MALRD1: variants seen among roughly 807,000 people sequenced by gnomAD.
MALRD1 encodes the protein MAM and LDL-receptor class A domain-containing protein 1.
In MALRD1, 247 loss-of-function variants were observed where a neutral mutation model predicts 242.1. That is an observed-to-expected ratio of 1.02 (90% CI 0.92 to 1.13). The LOEUF is 1.13. Ranked by LOEUF, MALRD1 falls within the 50% of genes most tolerant of loss-of-function variation. The pLI is 0.00. For missense variants in MALRD1, 2,989 were observed against 2,533.1 expected (o/e 1.18, Z -3.86); for synonymous variants, 995 against 866.6 (o/e 1.15, Z -2.60).
intron 14 of MALRD1, among the ~76,000 whole-genome samples, chr10:19,197,924 G>C (rs1386485088): frequency 6.6e-6 from 1 of 152,098 alleles, no homozygotes; most frequent in African/African-American, 2.4e-5. Flanking sequence ...GCATGTATTT[G>C]CTAAGTTTTT....
intron 24 of MALRD1, among the ~76,000 whole-genome samples, chr10:19,343,071 G>A (rs1340831515): frequency 6.6e-6 from 1 of 151,880 alleles, no homozygotes; most frequent in East Asian, 1.9e-4. Flanking sequence ...TTTCTTTGTA[G>A]GAACACAAAT....
chr10:19,186,596 C>A (rs773497494), intron 14 of MALRD1, among the ~76,000 whole-genome samples: 2 of 152,052 alleles, frequency 1.3e-5, no homozygotes, highest in Admixed American at 6.5e-5. Flanking sequence ...AACAAGAAAG[C>A]CTTTTTCTAT....
At chr10:19,589,672 T>C (rs1442416104) in intron 33 of MALRD1, among the ~76,000 whole-genome samples, 1 of 152,210 alleles carries the variant, frequency 6.6e-6, no homozygotes, top group African/African-American at 2.4e-5. Context: ...TGAGTCATCT[T>C]GTCAAAATTA....
At chr10:19,454,428 ATAT>A in intron 29 of MALRD1, among the ~76,000 whole-genome samples, 2 of 138,288 alleles carry the variant, frequency 1.4e-5, no homozygotes, top group African/African-American at 2.6e-5. Context: ...ATATATATAT[ATAT>A]AATTATATGA....
intron 5 of MALRD1, among the ~76,000 whole-genome samples, chr10:19,123,282 C>A (rs1462874152): frequency 6.6e-6 from 1 of 150,720 alleles, no homozygotes; most frequent in Non-Finnish European, 1.5e-5. Flanking sequence ...CTGTTTTTCT[C>A]TGTCTCTATT....
chr10:19,633,836 C>CTTTTTTTTTTTT (rs199830595), intron 36 of MALRD1: 6 of 141,130 alleles, frequency 4.3e-5, no homozygotes, highest in South Asian at 2.2e-4. Flanking sequence ...TTTTTCTTTT[C>CTTTTTTTTTTTT]TTTCTTTTTT....
chr10:19,449,333 C>T (rs1211812360), intron 28 of MALRD1, among the ~76,000 whole-genome samples: 5 of 152,142 alleles, frequency 3.3e-5, no homozygotes, highest in Admixed American at 1.3e-4. Flanking sequence ...TGTGCCACCA[C>T]GCCCGGCTAA....
At chr10:19,259,949 T>C (rs1159906718) in intron 19 of MALRD1, among the ~76,000 whole-genome samples, 1 of 152,178 alleles carries the variant, frequency 6.6e-6, no homozygotes, top group African/African-American at 2.4e-5. Flanking sequence ...GTTAGTTGCA[T>C]GAGAGCAGGT....
At chr10:19,070,836 CTTTTTTTTTTTTTTTT>C (rs3042437) in intron 2 of MALRD1, among the ~76,000 whole-genome samples, 1 of 52,444 alleles carries the variant, frequency 1.9e-5, no homozygotes, top group South Asian at 1.1e-3. Flanking sequence ...AAATGACAAA[CTTTTTTTTTTTTTTTT>C]TTTTTTTTTT....
Position 19,713,152 on chromosome 10 carries a change from T to A in MALRD1, c.6315-17554T>A, listed in dbSNP as rs189931212. On this transcript the variant is annotated intron_variant, in intron 38 of 39. Transcript: ENST00000454679. ...CTTCTTTCTTGCCTATTAAACTCTC[T>A]ACTCCTTAAAGCCACACATTAAAAA... 2.8e-3 allele frequency among the ~76,000 whole-genome samples: 396 copies of A among 141,420 alleles called. 3 individuals carry two copies. Among genetic ancestry groups the A allele is most frequent in the Non-Finnish European group, 2.6e-3 (169 of 65,770 alleles). The allele number at this position is 141,420 out of a possible 152,430, so 92.8% of individuals were successfully genotyped here. A position where few individuals can be genotyped will look rare whatever the true frequency, so the allele number is the denominator to read the frequency against.
chr10:19,174,492 A>G (rs1376602577), intron 13 of MALRD1, among the ~76,000 whole-genome samples: 8 of 152,148 alleles, frequency 5.3e-5, no homozygotes, highest in Non-Finnish European at 1.2e-4. Context: ...GTGGTCCACT[A>G]TGCAGGTTCA....
intron 36 of MALRD1, among the ~76,000 whole-genome samples, chr10:19,626,654 C>CA (rs1162132371): frequency 1.3e-5 from 2 of 151,508 alleles, no homozygotes; most frequent in East Asian, 3.9e-4. Flanking sequence ...CTGAATAGTA[C>CA]ATGCACATCA....
intron 4 of MALRD1, among the ~76,000 whole-genome samples, chr10:19,096,521 G>T (rs868163075): frequency 1.3e-5 from 2 of 152,178 alleles, no homozygotes; most frequent in African/African-American, 4.8e-5. Context: ...TCGGATTGCA[G>T]GTATGCTTTA....
At chr10:19,297,621 T>C (rs1313004097) in intron 21 of MALRD1, among the ~76,000 whole-genome samples, 2 of 151,998 alleles carry the variant, frequency 1.3e-5, no homozygotes, top group East Asian at 3.9e-4. Flanking sequence ...GTATGCCCTA[T>C]GAAATATTAC....
chr10:19,317,278 C>A (rs1015751515), intron 21 of MALRD1, among the ~76,000 whole-genome samples: 8 of 151,748 alleles, frequency 5.3e-5, no homozygotes, highest in African/African-American at 1.9e-4. Flanking sequence ...CTGTGTTTTC[C>A]CATGGTGGAA....
intron 39 of MALRD1, among the ~76,000 whole-genome samples, chr10:19,731,162 A>T (rs1213213455): frequency 1.3e-5 from 2 of 152,194 alleles, no homozygotes; most frequent in African/African-American, 2.4e-5. Context: ...AACAAAAGAG[A>T]GGATAGCATT....
intron 2 of MALRD1, among the ~76,000 whole-genome samples, chr10:19,070,080 C>T (rs1408307130): frequency 6.6e-6 from 1 of 152,072 alleles, no homozygotes; most frequent in Non-Finnish European, 1.5e-5. Context: ...TAATTTCAAT[C>T]GATCTATCTT....
At chr10:19,156,500 C>T (rs1834153770) in intron 12 of MALRD1, among the ~76,000 whole-genome samples, 1 of 144,112 alleles carries the variant, frequency 6.9e-6, no homozygotes, top group South Asian at 2.2e-4. Flanking sequence ...TCCAGAAGCA[C>T]TTATTCTTTG....
chr10:19,463,969 G>T (rs565987768), intron 29 of MALRD1, among the ~76,000 whole-genome samples: 36 of 152,224 alleles, frequency 2.4e-4, no homozygotes, highest in Middle Eastern at 6.8e-3. Context: ...GATCATTAGT[G>T]ATGTTGAACA....
Sources: gnomAD v4.1 joint callset for allele counts (sites outside exome capture counted in the v4.1 genomes callset) on GRCh38, gnomAD v4.1.1 for gene constraint, MANE v1.5 for transcripts, NCBI Gene and HGNC (gene_info 2026-07-23, HGNC 2026-07-21) for gene names.